The following DNER variants were observed in gnomAD, a reference collection of about 807,000 sequenced individuals.
DNER encodes the protein delta and Notch-like epidermal growth factor-related receptor.
In DNER, 33 loss-of-function variants were observed where a neutral mutation model predicts 78.2. The observed-to-expected ratio is 0.42, with a 90% CI of 0.32 to 0.56. The LOEUF (loss-of-function observed/expected upper bound fraction) is 0.56, where lower values mean the gene tolerates loss of function less well. Among genes scored for constraint, DNER ranks in the 20% least tolerant of loss-of-function variants. The probability of loss-of-function intolerance (pLI) is 0.11; values close to 1 mark genes in which losing one functional copy is unlikely to be tolerated. For synonymous variants in DNER, 417 were observed against 384.8 expected (o/e 1.08, Z -0.98); for missense variants, 918 against 975.3 (o/e 0.94, Z 0.78).
intron 11 of DNER, among the ~76,000 whole-genome samples, chr2:229,381,569 T>C (rs1692737108): frequency 6.6e-6 from 1 of 152,052 alleles, no homozygotes; most frequent in African/African-American, 2.4e-5. Context: ...GAAGTCGACC[T>C]GGGACACTGA....
intron 1 of DNER, among the ~76,000 whole-genome samples, chr2:229,611,190 A>G (rs916163567): frequency 6.6e-6 from 1 of 152,258 alleles, no homozygotes; most frequent in Non-Finnish European, 1.5e-5. Context: ...AATAAAGTAA[A>G]TGTATTTTTT....
chr2:229,608,639 T>G (rs942155356), intron 1 of DNER, among the ~76,000 whole-genome samples: 3 of 152,164 alleles, frequency 2.0e-5, no homozygotes, highest in African/African-American at 7.2e-5. Context: ...TGTGCACATT[T>G]TATGCCTATA....
chr2:229,540,107 G>A (rs1221146736), intron 5 of DNER, among the ~76,000 whole-genome samples: 5 of 152,184 alleles, frequency 3.3e-5, no homozygotes, highest in Admixed American at 1.3e-4. Flanking sequence ...AAATTCTACA[G>A]TACTTCAGAG....
intron 10 of DNER, among the ~76,000 whole-genome samples, chr2:229,395,814 C>A (rs985017749): frequency 6.6e-6 from 1 of 152,176 alleles, no homozygotes; most frequent in Non-Finnish European, 1.5e-5. Context: ...AGGAGAATCA[C>A]TTGAACCGGA....
intron 1 of DNER, among the ~76,000 whole-genome samples, chr2:229,653,517 A>G (rs6752370): frequency 0.24 from 36,607 of 152,100 alleles, 4,818 homozygotes; most frequent in African/African-American, 0.34. Context: ...CAGCATCTTC[A>G]GCTCTGTGAG....
At chr2:229,418,284 G>C (rs986832991) in intron 8 of DNER, 54 bp from the exon 9 acceptor site, 1 of 1,609,638 alleles carries the variant, frequency 6.2e-7, no homozygotes. Flanking sequence ...TACAACCCAC[G>C]CGGGACCAGC....
intron 1 of DNER, among the ~76,000 whole-genome samples, chr2:229,678,300 A>T (rs1699329916): frequency 6.6e-6 from 1 of 152,194 alleles, no homozygotes; most frequent in African/African-American, 2.4e-5. Flanking sequence ...CTTAGTGAAG[A>T]CACTACAAAT....
intron 1 of DNER, among the ~76,000 whole-genome samples, chr2:229,706,485 T>C (rs1166900541): frequency 6.6e-6 from 1 of 151,432 alleles, no homozygotes; most frequent in Non-Finnish European, 1.5e-5. Context: ...ATCGCTTGAA[T>C]ATGAGAGGTG....
At chr2:229,534,141 T>C (rs1363166376) in intron 5 of DNER, among the ~76,000 whole-genome samples, 1 of 152,096 alleles carries the variant, frequency 6.6e-6, no homozygotes, top group Non-Finnish European at 1.5e-5. Context: ...GGCCAAGAGA[T>C]TGTAATGAAA....
chr2:229,684,101 AGTGTGTGTGTGT>A (rs377602119), intron 1 of DNER, among the ~76,000 whole-genome samples: 1 of 129,924 alleles, frequency 7.7e-6, no homozygotes, highest in African/African-American at 3.0e-5. Context: ...TACCTACCAG[AGTGTGTGTGTGT>A]GTGTGTGTGT....
chr2:229,624,968 C>T (rs1199721093), intron 1 of DNER, among the ~76,000 whole-genome samples: 1 of 152,112 alleles, frequency 6.6e-6, no homozygotes, highest in African/African-American at 2.4e-5. Context: ...AGCAAAATCT[C>T]CTAAAGTATT....
chr2:229,599,132 C>T (rs137905612), intron 1 of DNER, among the ~76,000 whole-genome samples: 182 of 152,062 alleles, frequency 1.2e-3, no homozygotes, highest in African/African-American at 4.2e-3. Context: ...TGACCCAGCA[C>T]GACGCTGGCC....
intron 4 of DNER, among the ~76,000 whole-genome samples, chr2:229,552,589 A>G (rs990720975): frequency 1.3e-5 from 2 of 152,082 alleles, no homozygotes; most frequent in African/African-American, 4.8e-5. Context: ...CCTTTTTCTC[A>G]GCACTTCTAC....
intron 12 of DNER, among the ~76,000 whole-genome samples, chr2:229,365,643 C>A (rs1204049330): frequency 6.6e-6 from 1 of 152,200 alleles, no homozygotes; most frequent in African/African-American, 2.4e-5. Flanking sequence ...ACCAAGTTGG[C>A]CAGGCTGGTG....
At chr2:229,524,656 T>TC (rs1334938031) in intron 5 of DNER, among the ~76,000 whole-genome samples, 1 of 152,156 alleles carries the variant, frequency 6.6e-6, no homozygotes, top group East Asian at 1.9e-4. Flanking sequence ...TCTCTTTTTT[T>TC]CCATTAAGAT....
In DNER at chr2:229,367,001, G is replaced by T. The variant is rs141125901; in HGVS notation, c.1974C>A (p.Ile658=). The T allele has an allele frequency of 1.2e-5, 19 of 1,613,914 alleles. No homozygotes were observed. The highest frequency in any genetic ancestry group is 5.5e-5 in the South Asian group (5 of 91,064). Residue 658 remains isoleucine, a synonymous_variant, in exon 12 of 13, where the codon ATC becomes ATA. Coordinates refer to ENST00000341772, the MANE Select transcript of DNER (RefSeq NM_139072.4). ...TGCGGCTGATGCGGCAAATCCCCAC[G>T]ATCAGGATGATCAGCATAAGGATGA... ...VAFILMLIIL[I]VGICRISRIE...
chr2:229,585,662 A>C (rs76496759), intron 4 of DNER, among the ~76,000 whole-genome samples, 196 bp downstream of exon 4: 2,613 of 148,722 alleles, frequency 0.018, 61 homozygotes, highest in African/African-American at 0.052. Flanking sequence ...TCCATCATCA[A>C]AAAAAAAAAA....
At chr2:229,621,299 C>A (rs140444260) in intron 1 of DNER, among the ~76,000 whole-genome samples, 280 of 152,334 alleles carry the variant, frequency 1.8e-3, no homozygotes, top group Admixed American at 3.0e-3. Flanking sequence ...GTAGAATCTT[C>A]CTAAAGCACA....
At chr2:229,374,457 G>A (rs1692556128) in intron 11 of DNER, among the ~76,000 whole-genome samples, 1 of 152,178 alleles carries the variant, frequency 6.6e-6, no homozygotes, top group Non-Finnish European at 1.5e-5. Flanking sequence ...ATGTCTAATA[G>A]TTAAATTTTG....
Sources: gnomAD v4.1 joint callset for allele counts (sites outside exome capture counted in the v4.1 genomes callset) on GRCh38, gnomAD v4.1.1 for gene constraint, MANE v1.5 for transcripts, NCBI Gene and HGNC (gene_info 2026-07-23, HGNC 2026-07-21) for gene names.